GPM6A: variants seen among roughly 807,000 people sequenced by gnomAD.
GPM6A encodes neuronal membrane glycoprotein M6-a.
A neutral mutation model predicts 32.1 loss-of-function variants in GPM6A; 7 were observed. The observed-to-expected ratio is 0.22, with a 90% confidence interval of 0.12 to 0.41. GPM6A has a LOEUF of 0.41. GPM6A is among the 10% of genes least tolerant of loss of function. The pLI, the probability that GPM6A is intolerant of heterozygous loss-of-function variation, is 1.00. For synonymous variants in GPM6A, 130 were observed against 123.4 expected (o/e 1.05, Z -0.35); for missense variants, 235 against 347.2 (o/e 0.68, Z 2.57).
chr4:175,637,630 T>TA (rs373773966), intron 6 of GPM6A, among the ~76,000 whole-genome samples: 24,747 of 59,162 alleles, frequency 0.42, 4,291 homozygotes, highest in East Asian at 0.61. Context: ...ATATATTATA[T>TA]ATATATTATA....
chr4:175,836,579 A>G (rs981851930), intron 1 of GPM6A, among the ~76,000 whole-genome samples: 1 of 152,210 alleles, frequency 6.6e-6, no homozygotes, highest in Non-Finnish European at 1.5e-5. Flanking sequence ...CAAGGAAGAC[A>G]ACAATGAGAA....
chr4:175,912,898 T>C (rs1187622155), intron 1 of GPM6A, among the ~76,000 whole-genome samples: 1 of 152,184 alleles, frequency 6.6e-6, no homozygotes, highest in Non-Finnish European at 1.5e-5. Context: ...ATCATTATCA[T>C]GTTCATTATC....
chr4:175,774,743 T>C (rs1484792701), intron 1 of GPM6A, among the ~76,000 whole-genome samples: 4 of 152,072 alleles, frequency 2.6e-5, no homozygotes, highest in African/African-American at 7.2e-5. Context: ...AAACTACAAT[T>C]AATCAGTTAA....
intron 1 of GPM6A, among the ~76,000 whole-genome samples, chr4:175,799,035 G>T (rs1022669350): frequency 6.6e-6 from 1 of 152,128 alleles, no homozygotes; most frequent in African/African-American, 2.4e-5. Context: ...GATACGTAGT[G>T]CTTAAAATAT....
intron 1 of GPM6A, among the ~76,000 whole-genome samples, chr4:175,747,098 T>G (rs1364573037): frequency 6.6e-6 from 1 of 151,894 alleles, no homozygotes; most frequent in African/African-American, 2.4e-5. Context: ...GGTGTAACCC[T>G]GTCTCTACTA....
chr4:175,942,749 G>T (rs1442441272), intron 1 of GPM6A, among the ~76,000 whole-genome samples: 1 of 152,062 alleles, frequency 6.6e-6, no homozygotes, highest in Non-Finnish European at 1.5e-5. Flanking sequence ...ATCTGTTTTG[G>T]TACCAGTACC....
upstream of GPM6A, chr4:175,812,389 C>T (rs1734967018): frequency 2.3e-6 from 3 of 1,321,834 alleles, no homozygotes; most frequent in Non-Finnish European, 2.9e-6. Context: ...CAGAGCTTAG[C>T]TCAGGCTCCC....
At chr4:175,825,077 C>T (rs1183874264) in intron 1 of GPM6A, among the ~76,000 whole-genome samples, 2 of 152,144 alleles carry the variant, frequency 1.3e-5, no homozygotes, top group African/African-American at 2.4e-5. Context: ...CTTTTTGAGG[C>T]ATCTCTTCTT....
intron 1 of GPM6A, among the ~76,000 whole-genome samples, chr4:175,860,105 AAAAT>A (rs1736529732): frequency 6.6e-6 from 1 of 152,100 alleles, no homozygotes; most frequent in South Asian, 2.1e-4. Context: ...AGAAAGATCT[AAAAT>A]AAATAAACTA....
chr4:175,789,520 G>C (rs1733926927), intron 1 of GPM6A, among the ~76,000 whole-genome samples: 1 of 152,086 alleles, frequency 6.6e-6, no homozygotes, highest in South Asian at 2.1e-4. Context: ...TTCCTAGAAA[G>C]TCAATTCCTT....
chr4:175,649,160 C>T lies in GPM6A; in HGVS notation c.541+2674G>A, dbSNP rs1741640520. On this transcript the variant is annotated intron_variant, in intron 4 of 6. Transcript: ENST00000393658. The stretch of plus-strand genomic sequence containing the variant: ...ATATCCCTGGAAAATTATTTCATTT[C>T]TTAGGGCTCCATTTCTTTTAGACCA... 2.6e-5 allele frequency among the ~76,000 whole-genome samples: 4 copies of T among 152,258 alleles called. No homozygotes were observed. The East Asian group carries it at 5.8e-4, about 22-fold the overall frequency.
intron 3 of GPM6A, among the ~76,000 whole-genome samples, chr4:175,655,949 A>T (rs775485919): frequency 3.4e-4 from 52 of 152,096 alleles, no homozygotes; most frequent in Non-Finnish European, 3.8e-4. Flanking sequence ...ATTACTTTGT[A>T]CTTTCAAAGG....
chr4:175,755,111 T>A (rs572616628), intron 1 of GPM6A, among the ~76,000 whole-genome samples: 3 of 152,240 alleles, frequency 2.0e-5, no homozygotes, highest in South Asian at 4.1e-4. Flanking sequence ...ATTTAACCTT[T>A]CTTAATTCAA....
At chr4:175,701,867 A>T in intron 1 of GPM6A, 100 bp from the exon 2 acceptor site, 2 of 737,862 alleles carry the variant, frequency 2.7e-6, no homozygotes, top group Non-Finnish European at 2.2e-6. Flanking sequence ...TTGCACTGAC[A>T]ATACCAGGTC....
upstream of GPM6A, among the ~76,000 whole-genome samples, chr4:175,813,547 G>A (rs548249480): frequency 6.6e-6 from 1 of 151,694 alleles, no homozygotes; most frequent in Admixed American, 6.6e-5. Context: ...CAGAGGGACA[G>A]AAAGACACAC....
At chr4:175,888,424 CA>C (rs1737532363) in intron 1 of GPM6A, among the ~76,000 whole-genome samples, 1 of 151,854 alleles carries the variant, frequency 6.6e-6, no homozygotes, top group South Asian at 2.1e-4. Context: ...TTCTGTAAAT[CA>C]AAACAGAAAT....
chr4:175,831,139 A>G (rs1186525059), intron 1 of GPM6A, among the ~76,000 whole-genome samples: 1 of 152,196 alleles, frequency 6.6e-6, no homozygotes, highest in Non-Finnish European at 1.5e-5. Flanking sequence ...AAACACATGG[A>G]GTGGTAGAAA....
chr4:175,886,789 C>T (rs904068725), intron 1 of GPM6A, among the ~76,000 whole-genome samples: 3 of 148,656 alleles, frequency 2.0e-5, no homozygotes, highest in Non-Finnish European at 4.5e-5. Flanking sequence ...AGAAATAAAG[C>T]CAAATTCTCA....
At chr4:175,970,371 TC>T (rs1198273514) in intron 1 of GPM6A, among the ~76,000 whole-genome samples, 1 of 151,996 alleles carries the variant, frequency 6.6e-6, no homozygotes, top group African/African-American at 2.4e-5. Context: ...AAAGTGAACT[TC>T]CATGGAAAAG....
Sources: allele counts gnomAD v4.1 joint callset (sites outside exome capture counted in the v4.1 genomes callset), GRCh38; gene constraint gnomAD v4.1.1; transcripts MANE v1.5; gene names NCBI Gene and HGNC (gene_info 2026-07-23, HGNC 2026-07-21).